The following NAA11 variants were observed in gnomAD, a reference collection of about 807,000 sequenced individuals.
The protein encoded by NAA11 is N-alpha-acetyltransferase 11.
NAA11 carries 15 observed loss-of-function variants against 16.1 expected under a neutral mutation model. The ratio of observed to expected loss-of-function variants is 0.93; its 90% CI spans 0.62 to 1.44. NAA11 has a LOEUF of 1.44. NAA11 is among the 40% of genes most tolerant of loss of function. The pLI, the probability that NAA11 is intolerant of heterozygous loss-of-function variation, is 0.00. For missense variants in NAA11, 298 were observed against 291.3 expected (o/e 1.02, Z -0.17); for synonymous variants, 122 against 112.4 (o/e 1.09, Z -0.54).
chr4:79,177,855 CA>C, the NAA11 span, among the ~76,000 whole-genome samples: 1 of 152,036 alleles, frequency 6.6e-6, no homozygotes, highest in Non-Finnish European at 1.5e-5. Flanking sequence ...TGCATGAGAT[CA>C]GTTCCCAAAA....
At chr4:79,184,624 A>G in the NAA11 span, among the ~76,000 whole-genome samples, 2 of 152,290 alleles carry the variant, frequency 1.3e-5, no homozygotes, top group East Asian at 3.9e-4. Context: ...CATTGCTTAG[A>G]GCTTACTCAG....
the NAA11 span, among the ~76,000 whole-genome samples, chr4:79,156,275 TATATTAG>T: frequency 6.6e-6 from 1 of 152,158 alleles, no homozygotes; most frequent in Admixed American, 6.5e-5. Context: ...GCATACTCTA[TATATTAG>T]ATATTAGAGT....
At chr4:79,213,201 T>C in the NAA11 span, among the ~76,000 whole-genome samples, 1 of 152,196 alleles carries the variant, frequency 6.6e-6, no homozygotes, top group Non-Finnish European at 1.5e-5. Flanking sequence ...ACTGTATTCA[T>C]GGGACAGATA....
intron 2 of NAA11, among the ~76,000 whole-genome samples, chr4:79,271,358 C>G (rs1722488421): frequency 6.7e-6 from 1 of 148,692 alleles, no homozygotes; most frequent in African/African-American, 2.5e-5. Context: ...AACTACAAAC[C>G]ACTGCTCAAG....
chr4:79,274,042 C>T (rs1326771412), intron 2 of NAA11, among the ~76,000 whole-genome samples: 3 of 152,018 alleles, frequency 2.0e-5, no homozygotes, highest in African/African-American at 7.2e-5. Flanking sequence ...GGAATTCTGG[C>T]AGCCTCTATC....
the NAA11 span, among the ~76,000 whole-genome samples, chr4:79,196,129 C>G: frequency 4.6e-5 from 7 of 152,040 alleles, no homozygotes; most frequent in Non-Finnish European, 8.8e-5. Context: ...TCTTTATGCT[C>G]TGTCCACATG....
At chr4:79,304,312 A>G (rs1304527600) in intron 1 of NAA11, among the ~76,000 whole-genome samples, 1 of 152,200 alleles carries the variant, frequency 6.6e-6, no homozygotes, top group Non-Finnish European at 1.5e-5. Context: ...ACTGCAAGCA[A>G]TTTTATTAAA....
Position 79,302,599 on chromosome 4 carries a change from T to C in NAA11, c.*13-8485A>G, listed in dbSNP as rs147449537. Among the ~76,000 whole-genome samples the C allele has an allele frequency of 7.2e-5, 11 of 152,328 alleles. No individual in the cohort carries two copies. In the East Asian group the frequency reaches 2.1e-3, roughly 29 times the overall value. On this transcript the variant is annotated intron_variant and NMD_transcript_variant, in intron 1 of 2. Transcript: ENST00000511542. The stretch of plus-strand genomic sequence containing the variant: ...AATGTATATATCTTTATTCTATATA[T>C]GTATATTTGCATTATATTTGTATAT...
At chr4:79,190,649 A>AT in the NAA11 span, among the ~76,000 whole-genome samples, 1,748 of 151,974 alleles carry the variant, frequency 0.012, 33 homozygotes, top group African/African-American at 0.04. Flanking sequence ...CTGACACTTT[A>AT]TTGTTTATTT....
intron 2 of NAA11, among the ~76,000 whole-genome samples, chr4:79,293,186 C>A (rs1051445086): frequency 2.6e-5 from 4 of 152,168 alleles, no homozygotes; most frequent in Non-Finnish European, 5.9e-5. Context: ...AAGTAGACCT[C>A]ATTTAAACCA....
intron 2 of NAA11, among the ~76,000 whole-genome samples, chr4:79,230,394 T>C (rs988069836): frequency 6.6e-6 from 1 of 152,018 alleles, no homozygotes; most frequent in Admixed American, 6.6e-5. Context: ...CTGCACATTG[T>C]GCACATGTAC....
chr4:79,214,877 C>T, the NAA11 span, among the ~76,000 whole-genome samples: 1 of 152,142 alleles, frequency 6.6e-6, no homozygotes, highest in Non-Finnish European at 1.5e-5. Flanking sequence ...CTGCCTTCCA[C>T]CAGGGAATGA....
At chr4:79,259,632 C>T (rs1471351300) in intron 2 of NAA11, among the ~76,000 whole-genome samples, 1 of 152,238 alleles carries the variant, frequency 6.6e-6, no homozygotes, top group East Asian at 1.9e-4. Context: ...AAACACACCA[C>T]CAGCCACAGA....
intron 1 of NAA11, among the ~76,000 whole-genome samples, chr4:79,294,944 A>G (rs17441627): frequency 0.024 from 3,641 of 152,294 alleles, 65 homozygotes; most frequent in Non-Finnish European, 0.036. Flanking sequence ...TAGTGATTTC[A>G]GTGATATGGA....
chr4:79,189,585 T>A, the NAA11 span, among the ~76,000 whole-genome samples: 1 of 152,162 alleles, frequency 6.6e-6, no homozygotes, highest in Non-Finnish European at 1.5e-5. Flanking sequence ...AGACCTACAC[T>A]GTGTTCTGTC....
chr4:79,184,314 T>G, the NAA11 span, among the ~76,000 whole-genome samples: 44 of 152,310 alleles, frequency 2.9e-4, no homozygotes, highest in African/African-American at 1.0e-3. Flanking sequence ...TATGCTGAAC[T>G]GCCGCAAGGA....
the NAA11 span, among the ~76,000 whole-genome samples, chr4:79,160,921 G>A: frequency 6.6e-6 from 1 of 151,766 alleles, no homozygotes; most frequent in Non-Finnish European, 1.5e-5. Flanking sequence ...AATAAATGTG[G>A]GTGTTTAAGT....
intron 1 of NAA11, among the ~76,000 whole-genome samples, chr4:79,298,642 A>G (rs901526901): frequency 6.6e-6 from 1 of 152,080 alleles, no homozygotes; most frequent in African/African-American, 2.4e-5. Flanking sequence ...CAGACCCCAC[A>G]CTCACTCACA....
chr4:79,226,405 C>T (rs1048181302), intron 2 of NAA11: 3 of 151,430 alleles, frequency 2.0e-5, no homozygotes, highest in Non-Finnish European at 4.4e-5. Flanking sequence ...ACCATATGCC[C>T]AGCTAAATCT....
Sources: allele counts gnomAD v4.1 joint callset (sites outside exome capture counted in the v4.1 genomes callset), GRCh38; gene constraint gnomAD v4.1.1; transcripts MANE v1.5; gene names NCBI Gene and HGNC (gene_info 2026-07-23, HGNC 2026-07-21).